The following FNIP2 variants were observed in gnomAD, a reference collection of about 807,000 sequenced individuals.
FNIP2 encodes folliculin-interacting protein 2.
Under a neutral mutation model 108.7 loss-of-function variants are expected in FNIP2, and 32 were observed. The observed-to-expected ratio is 0.29, with a 90% CI of 0.22 to 0.40. FNIP2 has a LOEUF of 0.40. Among genes scored for constraint, FNIP2 ranks in the 10% least tolerant of loss-of-function variants. FNIP2 has a pLI of 1.00. For synonymous variants in FNIP2, 480 were observed against 496.7 expected (o/e 0.97, Z 0.45); for missense variants, 1,202 against 1,381.6 (o/e 0.87, Z 2.06).
At chr4:158,849,842 T>G (rs775931809) in intron 7 of FNIP2, among the ~76,000 whole-genome samples, 5 of 151,082 alleles carry the variant, frequency 3.3e-5, no homozygotes, top group Non-Finnish European at 7.4e-5. Flanking sequence ...AAGCATTTGC[T>G]AATTGCCTAC....
chr4:158,821,120 A>G (rs1777861565), intron 1 of FNIP2, among the ~76,000 whole-genome samples: 1 of 152,216 alleles, frequency 6.6e-6, no homozygotes, highest in Non-Finnish European at 1.5e-5. Flanking sequence ...GCCTGGCTTC[A>G]ATGCTAACCA....
chr4:158,787,849 C>G lies in FNIP2; in HGVS notation c.107+18530C>G, dbSNP rs116678035. ...TGCCTCATTTCTCTTTGCTCTTCCC[C>G]TCATACTCTTAAGTCCAGTCAAAGC... On this transcript the variant is annotated intron_variant, in intron 1 of 16. Coordinates refer to ENST00000264433, the MANE Select transcript of FNIP2 (RefSeq NM_020840.3). 3.7e-3 allele frequency among the ~76,000 whole-genome samples: 560 copies of G among 152,320 alleles called. 7 individuals carry two copies. Among genetic ancestry groups the G allele is most frequent in the African/African-American group, 0.013 (538 of 41,574 alleles).
chr4:158,891,690 A>C, intron 15 of FNIP2, 44 bp downstream of exon 15: 2 of 1,516,576 alleles, frequency 1.3e-6, no homozygotes, highest in Non-Finnish European at 1.8e-6. Context: ...TAGTTTTAAA[A>C]TGCTTTTAAC....
chr4:158,803,154 G>A (rs939236823), intron 1 of FNIP2, among the ~76,000 whole-genome samples: 3 of 152,198 alleles, frequency 2.0e-5, no homozygotes, highest in Non-Finnish European at 4.4e-5. Context: ...GTCAGTGATT[G>A]CAGACACTTT....
Position 158,868,518 on chromosome 4 carries a change from G to T in FNIP2, c.1882G>T (p.Ala628Ser), listed in dbSNP as rs1428716630. ...CAGGAGGCCAGAGCAGGGTTCTGAGGCTTGCAGCGCAGGGTGCCTGGGGCC... is the reference window on the plus strand; with the variant it reads ...CAGGAGGCCAGAGCAGGGTTCTGAGTCTTGCAGCGCAGGGTGCCTGGGGCC... ...ANRRPEQGSE[A>S]CSAGCLGPAS... The change falls in exon 13 of 17, where the codon GCT (alanine) becomes TCT (serine). Residue 628 changes from alanine to serine, a missense_variant. By Grantham distance (99) the Ala-to-Ser change is moderately conservative. Transcript: ENST00000264433. This position sits in a 1 kb window ranked among gnomAD's most constrained non-coding sequence, Gnocchi z 4.6. The T allele has an allele frequency of 4.3e-6, 7 of 1,613,956 alleles. No individual in the cohort carries two copies. The highest frequency in any genetic ancestry group is 5.9e-6 in the Non-Finnish European group (7 of 1,179,864).
intron 11 of FNIP2, 31 bp from the exon 12 acceptor site, chr4:158,861,576 A>T (rs758135319): frequency 9.9e-6 from 16 of 1,613,846 alleles, no homozygotes; most frequent in South Asian, 9.9e-5. Context: ...GTATTGACTA[A>T]GTTGGTTGTA....
intron 3 of FNIP2, among the ~76,000 whole-genome samples, chr4:158,829,711 GGT>G (rs142274727): frequency 0.064 from 9,514 of 147,864 alleles, 352 homozygotes; most frequent in African/African-American, 0.11. Flanking sequence ...GTGTGTGTGG[GGT>G]GTGTGTGTGT....
rs1311021047 is a variant in FNIP2 at position 158,870,556 on chromosome 4, G to C, written c.2949+87G>C. On this transcript the variant is annotated intron_variant, in intron 14 of 16. Coordinates refer to ENST00000264433, the MANE Select transcript of FNIP2 (RefSeq NM_020840.3). ...ACAACAGGTGTTTAGACTGAAGAGA[G>C]ACTAGTTAAGGGGTTGTTTATGGAG... 5 of 1,480,010 alleles carry C rather than the reference G, an allele frequency of 3.4e-6. No individual in the cohort carries two copies. In the African/African-American group the frequency reaches 4.2e-5, roughly 12 times the overall value. The allele number at this position is 1,480,010 out of a possible 1,614,324, so 91.7% of individuals were successfully genotyped here. A position where few individuals can be genotyped will look rare whatever the true frequency, so the allele number is the denominator to read the frequency against.
chr4:158,859,702 T>C, intron 10 of FNIP2, 36 bp downstream of exon 10: 1 of 1,519,880 alleles, frequency 6.6e-7, no homozygotes, highest in Non-Finnish European at 9.1e-7. Flanking sequence ...CAACAGGAGA[T>C]GTTTATGAGC....
chr4:158,878,902 CCT>C (rs1781431787), intron 14 of FNIP2, among the ~76,000 whole-genome samples: 4 of 150,744 alleles, frequency 2.7e-5, no homozygotes, highest in Admixed American at 6.6e-5. Flanking sequence ...AAAAATAGTC[CCT>C]GAAATTAAAA....
At chr4:158,899,959 T>G (rs1223112936) in intron 16 of FNIP2, among the ~76,000 whole-genome samples, 4 of 152,234 alleles carry the variant, frequency 2.6e-5, no homozygotes, top group African/African-American at 9.6e-5. Flanking sequence ...TTTTAGATCT[T>G]TCCTGCTTTC....
At chr4:158,839,832 T>G (rs1187673646) in intron 7 of FNIP2, among the ~76,000 whole-genome samples, 1 of 152,196 alleles carries the variant, frequency 6.6e-6, no homozygotes, top group Non-Finnish European at 1.5e-5. Flanking sequence ...AGTCATCTTA[T>G]GTATTTCCTA....
chr4:158,820,896 G>T (rs1038449398), intron 1 of FNIP2, among the ~76,000 whole-genome samples: 1 of 152,172 alleles, frequency 6.6e-6, no homozygotes, highest in Non-Finnish European at 1.5e-5. Context: ...CTGTTTCCAA[G>T]CAAAGTCATA....
intron 1 of FNIP2, among the ~76,000 whole-genome samples, chr4:158,781,502 C>G (rs1434875101): frequency 6.6e-6 from 1 of 151,988 alleles, no homozygotes; most frequent in Non-Finnish European, 1.5e-5. Flanking sequence ...GCCTTTGTTA[C>G]AGATTTACAT....
At chr4:158,790,974 G>A (rs1321097782) in intron 1 of FNIP2, among the ~76,000 whole-genome samples, 1 of 150,910 alleles carries the variant, frequency 6.6e-6, no homozygotes, top group Non-Finnish European at 1.5e-5. Flanking sequence ...TTTCCATTTT[G>A]TTTGCAGGTG....
chr4:158,832,150 A>AT lies in FNIP2; in HGVS notation c.554+16dup. Reference sequence around the variant, plus strand: ...GGAAGTACAAATAAGTAAGTGTAGGATTTTGCATTCCCCACCCCCATTTTT... The same window carrying AT: ...GGAAGTACAAATAAGTAAGTGTAGGATTTTTGCATTCCCCACCCCCATTTTT... On this transcript the variant is annotated intron_variant, in intron 5 of 16. Coordinates refer to ENST00000264433, the MANE Select transcript of FNIP2 (RefSeq NM_020840.3). 4 of 1,607,862 alleles carry AT rather than the reference A, an allele frequency of 2.5e-6. No homozygotes were observed. The highest frequency in any genetic ancestry group is 3.4e-6 in the Non-Finnish European group (4 of 1,175,180).
In FNIP2 at chr4:158,785,798, C is replaced by G. The variant is rs1049982953; in HGVS notation, c.107+16479C>G. Among the ~76,000 whole-genome samples the G allele has an allele frequency of 2.0e-5, 3 of 151,496 alleles. 1 individual carries two copies. The South Asian group carries it at 6.2e-4, about 31-fold the overall frequency. On this transcript the variant is annotated intron_variant, in intron 1 of 16. Transcript: ENST00000264433. ...AGTTTAGAGTTTTGAAATTCACTGC[C>G]AAGAAATGTATGGGGTATTTTATTA...
At chr4:158,832,279 T>A in intron 5 of FNIP2, 141 bp downstream of exon 5, 1 of 655,650 alleles carries the variant, frequency 1.5e-6, no homozygotes. Flanking sequence ...TAAAAGTGGC[T>A]ACTGTCCTAT....
intron 16 of FNIP2, among the ~76,000 whole-genome samples, chr4:158,901,235 G>T (rs1729234827): frequency 6.7e-6 from 1 of 148,378 alleles, no homozygotes; most frequent in South Asian, 2.1e-4. Context: ...CCAGGTTTAA[G>T]CAATTCTCTG....
Sources: gnomAD v4.1 joint callset for allele counts (sites outside exome capture counted in the v4.1 genomes callset) on GRCh38, gnomAD v4.1.1 for gene constraint, Gnocchi (gnomAD v3.1) non-coding constraint, MANE v1.5 for transcripts, NCBI Gene and HGNC (gene_info 2026-07-23, HGNC 2026-07-21) for gene names.